Variants in TNC observed in about 807,000 individuals in gnomAD.
TNC encodes tenascin C.
In TNC, 109 loss-of-function variants were observed where a neutral mutation model predicts 202.4. That is an observed-to-expected ratio of 0.54 (90% CI 0.46 to 0.63). The LOEUF (loss-of-function observed/expected upper bound fraction) is 0.63. TNC is among the 30% of genes least tolerant of loss of function. The pLI, the probability that TNC is intolerant of heterozygous loss-of-function variation, is 0.00. For synonymous variants in TNC, 1,007 were observed against 1,089.7 expected, an observed-to-expected ratio of 0.92 and a Z score of 1.50; for missense variants, 2,756 against 2,833.3, an observed-to-expected ratio of 0.97 and a Z score of 0.62.
At chr9:115,106,512 A>G (rs1375546361) in intron 1 of TNC, among the ~76,000 whole-genome samples, 5 of 152,224 alleles carry the variant, frequency 3.3e-5, no homozygotes, top group Admixed American at 6.5e-5. Flanking sequence ...TGGGGTTTAC[A>G]TAACTATTTT....
In TNC at chr9:115,071,868, A is replaced by G. The variant is rs1246106733; in HGVS notation, c.3214+1735T>C. The stretch of plus-strand genomic sequence containing the variant: ...TAAAGCTGAAATTTAAATCTCTACT[A>G]TAGATTTATTTCTTCTTGGTTCTAT... On this transcript the variant is annotated intron_variant, in intron 10 of 27. Coordinates refer to ENST00000350763, the MANE Select transcript of TNC (RefSeq NM_002160.4). Among the ~76,000 whole-genome samples the G allele has an allele frequency of 2.0e-5, 3 of 152,158 alleles. No individual in the cohort carries two copies. In the East Asian group the frequency reaches 5.8e-4, roughly 29 times the overall value.
intron 12 of TNC, 39 bp from the exon 13 acceptor site, chr9:115,063,228 G>C: frequency 6.2e-7 from 1 of 1,601,448 alleles, no homozygotes; most frequent in Non-Finnish European, 8.5e-7. Context: ...ACTTAAAAAG[G>C]CAATTGCACG....
In TNC at chr9:115,076,511, C is replaced by G; in HGVS notation, c.2739G>C (p.Trp913Cys). ...SQTDNSITLEWRNGKAAIDSY... is the reference protein window; with the variant it reads ...SQTDNSITLECRNGKAAIDSY... The stretch of plus-strand genomic sequence containing the variant: ...TGTCAATAGCTGCCTTGCCATTCCT[C>G]CATTCCAGGGTGATGCTGTTATCTG... The change falls in exon 8 of 28, where the codon TGG becomes TGC. Residue 913 changes from tryptophan to cysteine, a missense_variant. Trp to Cys is a radical substitution (Grantham distance 215). Transcript: ENST00000350763. 6.2e-7 allele frequency: 1 copy of G among 1,614,230 alleles called. No homozygotes were observed. The highest frequency in any genetic ancestry group is 8.5e-7 in the Non-Finnish European group (1 of 1,180,038).
intron 1 of TNC, among the ~76,000 whole-genome samples, chr9:115,111,392 T>C (rs1837037647): frequency 8.2e-6 from 1 of 121,998 alleles, no homozygotes; most frequent in Non-Finnish European, 1.7e-5. Context: ...ACTTTCTCTC[T>C]CTCTCTCTTT....
chr9:115,045,567 A>G (rs1831120287), intron 17 of TNC, among the ~76,000 whole-genome samples: 1 of 110,920 alleles, frequency 9.0e-6, no homozygotes, highest in African/African-American at 3.8e-5. Flanking sequence ...TTTTTTGCAC[A>G]GGTAGGGTCT....
chr9:115,087,350 T>C (rs1834849111), intron 2 of TNC, 77 bp from the exon 3 acceptor site: 6 of 1,480,442 alleles, frequency 4.1e-6, no homozygotes, highest in Non-Finnish European at 4.6e-6. Flanking sequence ...GGCACCCAGA[T>C]TCAAATTCAG....
At chr9:115,075,184 G>A (rs1014012055) in intron 9 of TNC, among the ~76,000 whole-genome samples, 1 of 151,814 alleles carries the variant, frequency 6.6e-6, no homozygotes, top group African/African-American at 2.4e-5. Flanking sequence ...TTTTTGCAGT[G>A]CAAACTTCCC....
chr9:115,109,018 A>G (rs1195676517), intron 1 of TNC, among the ~76,000 whole-genome samples: 2 of 152,180 alleles, frequency 1.3e-5, no homozygotes, highest in African/African-American at 4.8e-5. Flanking sequence ...ATTGCTTTCT[A>G]TTGTATCACC....
intron 27 of TNC, among the ~76,000 whole-genome samples, chr9:115,023,588 T>C (rs1454832671): frequency 6.6e-6 from 1 of 152,160 alleles, no homozygotes; most frequent in Non-Finnish European, 1.5e-5. Flanking sequence ...GTGGACTTCA[T>C]TTTAAGGTGT....
chr9:115,048,681 T>C (rs143658842), intron 15 of TNC, 149 bp from the exon 16 acceptor site: 7 of 793,318 alleles, frequency 8.8e-6, no homozygotes, highest in Admixed American at 2.9e-5. Flanking sequence ...TAAGAACTTA[T>C]TGGGTGCCAG....
At chr9:115,093,940 T>C (rs1182556903) in intron 1 of TNC, among the ~76,000 whole-genome samples, 1 of 152,180 alleles carries the variant, frequency 6.6e-6, no homozygotes, top group Non-Finnish European at 1.5e-5. Flanking sequence ...TGGGTGTTTT[T>C]GTACTTTGGG....
At position 115,063,919 on chromosome 9, in the gene TNC, C is replaced by T. The variant is rs368280307; in HGVS notation, c.3637G>A (p.Val1213Ile). The T allele has an allele frequency of 4.8e-5, 77 of 1,614,020 alleles. No individual in the cohort carries two copies. Among genetic ancestry groups the T allele is most frequent in the East Asian group, 1.8e-4 (8 of 44,888 alleles). ...DTVEAAQNLTVPGGLRSTDLP... is the reference protein window; with the variant it reads ...DTVEAAQNLTIPGGLRSTDLP... ...TCTGTGGACCTCAGTCCTCCTGGGA[C>T]GGTGAGGTTCTGGGCTGCCTCTACT... The change falls in exon 12 of 28, where the codon GTC (valine) becomes ATC (isoleucine). Residue 1213 changes from valine to isoleucine, a missense_variant. Transcript: ENST00000350763.
Position 115,031,457 on chromosome 9 carries a change from G to A in TNC, c.5920+96C>T, listed in dbSNP as rs1588006159. On this transcript the variant is annotated intron_variant, in intron 23 of 27. Transcript: ENST00000350763. ...GTGAATCGATTCTTTTCAGAGGTTT[G>A]TTTGAAAATTTTAAAGTAGAAGTCA... The A allele has an allele frequency of 1.4e-5, 19 of 1,327,594 alleles. No individual in the cohort carries two copies. In the East Asian group the frequency reaches 5.2e-4, roughly 36 times the overall value. 82.2% of individuals were successfully genotyped at this position (1,327,594 alleles called of 1,614,324 possible). A position where few individuals can be genotyped will look rare whatever the true frequency, so the allele number is the denominator to read the frequency against.
rs1564407958 is a variant in TNC, at chr9:115,030,203, T to G, written c.6072+51A>C. ...CCTCTTCTCCTCCCCTGCTTTGCCCTCTCCCTCTTCCCCTAGGCCTGAGGG... is the reference window on the plus strand; with the variant it reads ...CCTCTTCTCCTCCCCTGCTTTGCCCGCTCCCTCTTCCCCTAGGCCTGAGGG... On this transcript the variant is annotated intron_variant, in intron 24 of 27. Coordinates refer to ENST00000350763, the MANE Select transcript of TNC (RefSeq NM_002160.4). The G allele has an allele frequency of 2.6e-6, 4 of 1,541,618 alleles. No homozygotes were observed. The African/African-American group carries it at 5.4e-5, about 21-fold the overall frequency.
At chr9:115,056,344 A>G (rs1832117716) in intron 15 of TNC, among the ~76,000 whole-genome samples, 2 of 152,180 alleles carry the variant, frequency 1.3e-5, no homozygotes, top group South Asian at 4.1e-4. Flanking sequence ...GCTACTTTGA[A>G]TGTAGCATTA....
At chr9:115,051,641 G>A (rs79936372) in intron 15 of TNC, among the ~76,000 whole-genome samples, 2,635 of 148,870 alleles carry the variant, frequency 0.018, 126 homozygotes, top group East Asian at 0.11. Flanking sequence ...CTGCATCTGT[G>A]TTGTCAGTTT....
chr9:115,021,674 G>C (rs992446472), intron 27 of TNC, among the ~76,000 whole-genome samples: 2 of 152,134 alleles, frequency 1.3e-5, no homozygotes, highest in Non-Finnish European at 1.5e-5. Context: ...TAATTCACGA[G>C]ATTCCTATGG....
At chr9:115,073,016 G>A (rs1317048698) in intron 10 of TNC, among the ~76,000 whole-genome samples, 1 of 152,188 alleles carries the variant, frequency 6.6e-6, no homozygotes, top group Non-Finnish European at 1.5e-5. Context: ...GGATTAAGCT[G>A]TCGTCATAGA....
intron 26 of TNC, 26 bp from the exon 27 acceptor site, chr9:115,024,162 T>C: frequency 6.2e-7 from 1 of 1,604,608 alleles, no homozygotes; most frequent in Non-Finnish European, 8.5e-7. Context: ...AATATGGACC[T>C]GAGAAATCTC....
Sources: allele counts gnomAD v4.1 joint callset (sites outside exome capture counted in the v4.1 genomes callset), GRCh38; gene constraint gnomAD v4.1.1; transcripts MANE v1.5; gene names NCBI Gene and HGNC (gene_info 2026-07-23, HGNC 2026-07-21).